Variants in KCNAB2 observed in about 807,000 individuals in gnomAD.
KCNAB2 encodes voltage-gated potassium channel subunit beta-2.
Under a neutral mutation model 63.6 loss-of-function variants are expected in KCNAB2, and 29 were observed. That is an observed-to-expected ratio of 0.46 (90% CI 0.34 to 0.62). The LOEUF (loss-of-function observed/expected upper bound fraction) is 0.62, where lower values mean the gene tolerates loss of function less well. KCNAB2 is among the 20% of genes least tolerant of loss of function. The pLI is 0.01. For missense variants in KCNAB2, 359 were observed against 563.9 expected (o/e 0.64, Z 3.68); for synonymous variants, 222 against 224.2 (o/e 0.99, Z 0.09).
Position 6,098,637 on chromosome 1 carries a change from A to C in KCNAB2, c.*63A>C. 1 of 1,578,988 alleles carries C rather than the reference A, an allele frequency of 6.3e-7. No homozygotes were observed. Among genetic ancestry groups the C allele is most frequent in the East Asian group, 2.3e-5 (1 of 44,184 alleles). On this transcript the variant is annotated 3_prime_UTR_variant, in exon 16 of 16. Transcript: ENST00000378083. ...CTCCTAGTCTCTGTTCGCTCGCTTA[A>C]GCTGTTTTGAAGCCAAGTGAAGAGT...
chr1:6,044,488 C>A (rs1190974787), upstream of KCNAB2, among the ~76,000 whole-genome samples: 2 of 152,184 alleles, frequency 1.3e-5, no homozygotes, highest in Non-Finnish European at 1.5e-5. Context: ...TGAGCCACAG[C>A]TCAGAGGTGT....
chr1:6,027,524 G>C (rs933302020), intron 1 of KCNAB2: 6 of 152,300 alleles, frequency 3.9e-5, no homozygotes, highest in African/African-American at 9.7e-5. Flanking sequence ...ATGGAGCTAG[G>C]GCAGGCATGG....
chr1:6,010,873 C>T (rs770270301), intron 1 of KCNAB2, among the ~76,000 whole-genome samples: 5 of 152,216 alleles, frequency 3.3e-5, no homozygotes, highest in South Asian at 4.1e-4. Flanking sequence ...ATCGTGGAAG[C>T]GGCGAATGAG....
At chr1:6,011,440 A>G (rs1402036294) in intron 1 of KCNAB2, among the ~76,000 whole-genome samples, 1 of 149,530 alleles carries the variant, frequency 6.7e-6, no homozygotes, top group Non-Finnish European at 1.5e-5. Flanking sequence ...GCCCAGGGCC[A>G]GGTGTGTGGG....
chr1:6,054,437 C>T (rs1474531129), intron 2 of KCNAB2, among the ~76,000 whole-genome samples: 2 of 152,186 alleles, frequency 1.3e-5, no homozygotes, highest in African/African-American at 4.8e-5. Context: ...CGAGAGCAGC[C>T]TGGGCAACAT....
At chr1:6,094,901 G>A (rs765075606) in intron 11 of KCNAB2, among the ~76,000 whole-genome samples, 5 of 152,234 alleles carry the variant, frequency 3.3e-5, no homozygotes, top group African/African-American at 9.6e-5. Context: ...GCCCGGTGCT[G>A]TTAGGGTCAA....
chr1:6,004,984 A>AT (rs1657493604), intron 1 of KCNAB2, among the ~76,000 whole-genome samples: 2 of 116,614 alleles, frequency 1.7e-5, no homozygotes, highest in Non-Finnish European at 3.9e-5. Context: ...ATGAGGGTGC[A>AT]GGCAGAGATC....
upstream of KCNAB2, among the ~76,000 whole-genome samples, chr1:6,030,830 A>G (rs558040840): frequency 4.4e-4 from 66 of 148,376 alleles, no homozygotes; most frequent in African/African-American, 1.5e-3. Flanking sequence ...GTGTATGTGT[A>G]AGTATATGTG....
intron 1 of KCNAB2, among the ~76,000 whole-genome samples, chr1:6,037,260 TTAG>T (rs1279590403): frequency 2.0e-5 from 3 of 152,172 alleles, no homozygotes; most frequent in African/African-American, 7.2e-5. Context: ...ATTCTGGAAG[TTAG>T]CTCAGCACCT....
chr1:6,083,326 T>C (rs2100720061), intron 5 of KCNAB2, among the ~76,000 whole-genome samples: 1 of 152,324 alleles, frequency 6.6e-6, no homozygotes, highest in Admixed American at 6.5e-5. Context: ...GCCTGGGTTA[T>C]GCTGCCCTGA....
At position 6,095,371 on chromosome 1, in the gene KCNAB2, G is replaced by C. The variant is rs762437022; in HGVS notation, c.781G>C (p.Glu261Gln). 1 of 1,612,940 alleles carries C rather than the reference G, an allele frequency of 6.2e-7. No homozygotes were observed. Among genetic ancestry groups the C allele is most frequent in the Non-Finnish European group, 8.5e-7 (1 of 1,180,024 alleles). Residue 261 changes from glutamate (E) to glutamine (Q), a missense_variant, in exon 12 of 16, where the codon GAG becomes CAG. Transcript: ENST00000378083. Reference protein sequence around the residue: ...RQFNLTPPICEQAEYHMFQRE... With the variant: ...RQFNLTPPICQQAEYHMFQRE... ...GTTCAACCTGACCCCGCCCATCTGC[G>C]AGCAGGCTGAGTACCACATGTTCCA... is the stretch of plus-strand genomic sequence containing the variant.
chr1:6,052,427 CAA>C (rs55970222), intron 2 of KCNAB2, among the ~76,000 whole-genome samples: 35 of 124,480 alleles, frequency 2.8e-4, no homozygotes, highest in Non-Finnish European at 2.6e-4. Context: ...CTCCATTGCG[CAA>C]AAAAAAAAAA....
intron 9 of KCNAB2, among the ~76,000 whole-genome samples, chr1:6,091,021 C>T (rs926203134): frequency 2.6e-4 from 39 of 152,236 alleles, no homozygotes; most frequent in African/African-American, 9.4e-4. Flanking sequence ...CTGCTACAGG[C>T]GTCTTTCCAT....
At position 6,099,391 on chromosome 1, in the gene KCNAB2, C is replaced by T. The variant is rs374319760; in HGVS notation, c.*817C>T. Reference sequence around the variant, plus strand: ...TGATGAGCCTCATGCCAGTGAGGCCCGGAGCGCTTGGGAGGGGTCCCAGTG... The same window carrying T: ...TGATGAGCCTCATGCCAGTGAGGCCTGGAGCGCTTGGGAGGGGTCCCAGTG... On this transcript the variant is annotated 3_prime_UTR_variant, in exon 16 of 16. Transcript: ENST00000378083. 71 of 174,282 alleles carry T rather than the reference C, an allele frequency of 4.1e-4. 1 individual carries two copies. In the South Asian group the frequency reaches 9.9e-3, roughly 24 times the overall value. The allele number at this position is 174,282 out of a possible 1,614,324, so 10.8% of individuals were successfully genotyped here. A position where few individuals can be genotyped will look rare whatever the true frequency, so the allele number is the denominator to read the frequency against.
chr1:6,003,396 C>T lies in KCNAB2; in HGVS notation c.-53+10608C>T, dbSNP rs566792612. ...TGTGGAGCAGGGGTTCCTCCCCACT[C>T]GCTCGCTCGGCTGCCTTCAGCCCCT... On this transcript the variant is annotated intron_variant, in intron 1 of 16. Coordinates refer to the KCNAB2 transcript ENST00000341524. The surrounding 1 kb of genome is among the most constrained non-coding windows in gnomAD (Gnocchi z 4.1). Among the ~76,000 whole-genome samples, 365 of 152,322 alleles carry T rather than the reference C, an allele frequency of 2.4e-3. 1 individual carries two copies. Among genetic ancestry groups the T allele is most frequent in the African/African-American group, 8.1e-3 (335 of 41,576 alleles).
chr1:6,041,961 T>C, upstream of KCNAB2: 3 of 1,210,932 alleles, frequency 2.5e-6, no homozygotes, highest in Non-Finnish European at 3.7e-6. Context: ...CAGGGTGTGC[T>C]GGTGTATTCT....
rs542727745 is a variant in KCNAB2, at chr1:6,077,634, AG to A, written c.300+3867del. Among the ~76,000 whole-genome samples, 516 of 152,218 alleles carry A rather than the reference AG, an allele frequency of 3.4e-3. 3 individuals carry two copies. Among genetic ancestry groups the A allele is most frequent in the Non-Finnish European group, 5.5e-3 (377 of 68,006 alleles). On this transcript the variant is annotated intron_variant, in intron 4 of 15. Transcript: ENST00000378083. ...TCCCAGGAGGGAGCCAGGTGTGTTCAGGGCCACCGTGCTCCGGAGCGGAGAG... is the reference window on the plus strand; with the variant it reads ...TCCCAGGAGGGAGCCAGGTGTGTTCAGGCCACCGTGCTCCGGAGCGGAGAG...
rs1432562188 is a variant in KCNAB2, at chr1:6,028,531, A to G, written c.-52-11986A>G. Among the ~76,000 whole-genome samples the G allele has an allele frequency of 6.6e-6, 1 of 152,212 alleles. No homozygotes were observed. The highest frequency in any genetic ancestry group is 1.5e-5 in the Non-Finnish European group (1 of 68,028). On this transcript the variant is annotated intron_variant, in intron 1 of 16. Coordinates refer to the KCNAB2 transcript ENST00000341524. This position sits in a 1 kb window ranked among gnomAD's most constrained non-coding sequence, Gnocchi z 4.0. ...ACACCCAGGACGTCACACCTAGCCC[A>G]GAACAGCCCCCCTCTCTCCATCCCT...
intron 9 of KCNAB2, 49 bp downstream of exon 9, chr1:6,090,524 AG>A (rs1190739124): frequency 6.8e-7 from 1 of 1,471,942 alleles, no homozygotes; most frequent in Admixed American, 1.8e-5. Flanking sequence ...CGGGGTCTGA[AG>A]GGTCTGAACC....
Sources: allele counts gnomAD v4.1 joint callset (sites outside exome capture counted in the v4.1 genomes callset), GRCh38; gene constraint gnomAD v4.1.1; non-coding constraint Gnocchi (gnomAD v3.1); transcripts MANE v1.5; gene names NCBI Gene and HGNC (gene_info 2026-07-23, HGNC 2026-07-21).